The following C10orf143 variants were observed in gnomAD, a reference collection of about 807,000 sequenced individuals.
C10orf143 encodes chromosome 10 open reading frame 143.
At chr10:130,039,554 T>A (rs1740784531) in intron 3 of C10orf143, among the ~76,000 whole-genome samples, 1 of 152,180 alleles carries the variant, frequency 6.6e-6, no homozygotes, top group South Asian at 2.1e-4. Context: ...CATGAGTGTT[T>A]CATGCAGTCT....
chr10:130,079,865 C>T lies in C10orf143; in HGVS notation c.106G>A (p.Glu36Lys). 1 of 398,652 alleles carries T rather than the reference C, an allele frequency of 2.5e-6. No individual in the cohort carries two copies. Among genetic ancestry groups the T allele is most frequent in the Non-Finnish European group, 4.4e-6 (1 of 226,066 alleles). 24.7% of individuals were successfully genotyped at this position (398,652 alleles called of 1,614,324 possible). A position where few individuals can be genotyped will look rare whatever the true frequency, so the allele number is the denominator to read the frequency against. ...GCATTCACCTGGTGGCAGCCACGCT[C>T]ATGCCCACTGGCTTCTAATCTCCTG... ...VCRRLEASGH[E>K]RGCHQVNACA... Residue 36 changes from glutamate to lysine, a missense_variant, in exon 2 of 4, where the codon GAG becomes AAG. Physicochemically the swap from Glu to Lys is moderately conservative, Grantham distance 56. Transcript: ENST00000637128.
chr10:130,049,876 A>G (rs987203253), intron 3 of C10orf143, among the ~76,000 whole-genome samples: 5 of 152,230 alleles, frequency 3.3e-5, no homozygotes, highest in African/African-American at 9.6e-5. Flanking sequence ...AAAATTCAAG[A>G]TGTTAATTTG....
At chr10:130,043,245 G>A (rs114692806) in intron 3 of C10orf143, among the ~76,000 whole-genome samples, 243 of 152,182 alleles carry the variant, frequency 1.6e-3, no homozygotes, top group African/African-American at 5.7e-3. Context: ...GGAGTTATAC[G>A]GCAAAAAATT....
chr10:130,082,760 A>C (rs1160600605), intron 1 of C10orf143, among the ~76,000 whole-genome samples: 1 of 152,220 alleles, frequency 6.6e-6, no homozygotes, highest in Non-Finnish European at 1.5e-5. Flanking sequence ...AACCACATAC[A>C]AAACCAAACC....
At chr10:130,101,740 G>A (rs1861554016) in intron 1 of C10orf143, among the ~76,000 whole-genome samples, 1 of 149,364 alleles carries the variant, frequency 6.7e-6, no homozygotes, top group Non-Finnish European at 1.5e-5. Flanking sequence ...AGCATCTGTA[G>A]TCCCAGCTAC....
intron 3 of C10orf143, among the ~76,000 whole-genome samples, chr10:130,048,334 G>A (rs968931213): frequency 1.3e-5 from 2 of 152,174 alleles, no homozygotes; most frequent in African/African-American, 4.8e-5. Context: ...CAGTCTGTGG[G>A]TGCCCCTCCT....
chr10:130,081,323 C>T (rs1397876361), intron 1 of C10orf143, among the ~76,000 whole-genome samples: 1 of 152,026 alleles, frequency 6.6e-6, no homozygotes, highest in African/African-American at 2.4e-5. Context: ...TAACCTTTAT[C>T]AAACAAAGAC....
intron 1 of C10orf143, among the ~76,000 whole-genome samples, chr10:130,091,008 G>C (rs934022814): frequency 2.6e-5 from 4 of 152,186 alleles, no homozygotes; most frequent in Non-Finnish European, 5.9e-5. Flanking sequence ...AGACTTAAAC[G>C]TTCCTGCCTA....
intron 1 of C10orf143, among the ~76,000 whole-genome samples, chr10:130,096,264 C>T (rs986410553): frequency 3.6e-4 from 54 of 151,866 alleles, no homozygotes; most frequent in African/African-American, 1.2e-3. Flanking sequence ...CCAGTTAGAA[C>T]GGTGATCATT....
rs74829244 is a variant in C10orf143, at chr10:130,082,124, A to T, written c.70-2223T>A. On this transcript the variant is annotated intron_variant, in intron 1 of 3. Coordinates refer to ENST00000637128, the MANE Select transcript of C10orf143 (RefSeq NM_001355042.2). The stretch of plus-strand genomic sequence containing the variant: ...AGATATAAATCAAAATATATATGAA[A>T]GTTTGGCTTCAAATCACTGTGATAA... 5.0e-3 allele frequency among the ~76,000 whole-genome samples: 768 copies of T among 152,166 alleles called. 9 individuals carry two copies. The highest frequency in any genetic ancestry group is 0.018 in the African/African-American group (728 of 41,500).
chr10:130,045,000 TG>T (rs1211223002), intron 3 of C10orf143, among the ~76,000 whole-genome samples: 1 of 152,158 alleles, frequency 6.6e-6, no homozygotes, highest in East Asian at 1.9e-4. Context: ...GATGCTCCAG[TG>T]CCTGCCACAC....
chr10:130,069,567 A>G (rs1431418250), intron 3 of C10orf143, among the ~76,000 whole-genome samples: 3 of 152,168 alleles, frequency 2.0e-5, no homozygotes, highest in African/African-American at 7.2e-5. Context: ...ATATTCAACA[A>G]TCTTGCTGGA....
chr10:130,037,645 G>A (rs1247930771), intron 3 of C10orf143, among the ~76,000 whole-genome samples: 4 of 152,346 alleles, frequency 2.6e-5, no homozygotes, highest in African/African-American at 7.2e-5. Flanking sequence ...GCCACAACAG[G>A]AGGCTGTGCA....
chr10:130,039,173 C>G (rs1860578374), intron 3 of C10orf143, among the ~76,000 whole-genome samples: 1 of 152,224 alleles, frequency 6.6e-6, no homozygotes, highest in Non-Finnish European at 1.5e-5. Flanking sequence ...CTCTGTCCAT[C>G]TGTGTATTGG....
intron 3 of C10orf143, among the ~76,000 whole-genome samples, chr10:130,076,992 C>A (rs1319319253): frequency 6.6e-6 from 1 of 152,150 alleles, no homozygotes; most frequent in Non-Finnish European, 1.5e-5. Flanking sequence ...CCACCACATT[C>A]ATTTCGATCA....
At chr10:130,094,900 T>C (rs1034938290) in intron 1 of C10orf143, among the ~76,000 whole-genome samples, 1 of 151,998 alleles carries the variant, frequency 6.6e-6, no homozygotes, top group African/African-American at 2.4e-5. Flanking sequence ...AAGAAAGAAA[T>C]AAAGGTATTC....
At chr10:130,067,623 C>T (rs1860957961) in intron 3 of C10orf143, 1 of 152,232 alleles carries the variant, frequency 6.6e-6, no homozygotes, top group Non-Finnish European at 1.5e-5. Context: ...GTCTTTACTA[C>T]CACAAAACAC....
At chr10:130,089,874 CTT>C (rs1861352483) in intron 1 of C10orf143, among the ~76,000 whole-genome samples, 1 of 152,104 alleles carries the variant, frequency 6.6e-6, no homozygotes, top group South Asian at 2.1e-4. Flanking sequence ...AAGTTGGCCT[CTT>C]GACATATATC....
intron 1 of C10orf143, among the ~76,000 whole-genome samples, chr10:130,084,967 A>G (rs1861268168): frequency 6.6e-6 from 1 of 152,244 alleles, no homozygotes; most frequent in African/African-American, 2.4e-5. Flanking sequence ...AAGCAATAAA[A>G]TAAATAAAAA....
Sources: gnomAD v4.1 joint callset for allele counts (sites outside exome capture counted in the v4.1 genomes callset) on GRCh38, gnomAD v4.1.1 for gene constraint, MANE v1.5 for transcripts, NCBI Gene and HGNC (gene_info 2026-07-23, HGNC 2026-07-21) for gene names.